Variants in PDE1C observed in about 807,000 individuals in gnomAD.
The protein encoded by PDE1C is dual specificity calcium/calmodulin-dependent 3',5'-cyclic nucleotide phosphodiesterase 1C.
Under a neutral mutation model 93.1 loss-of-function variants are expected in PDE1C, and 62 were observed. The ratio of observed to expected loss-of-function variants is 0.67; its 90% CI spans 0.54 to 0.82. PDE1C has a LOEUF of 0.82. Among genes scored for constraint, PDE1C ranks in the 40% least tolerant of loss-of-function variants. The pLI is 0.00. For missense variants in PDE1C, 742 were observed against 884.6 expected (o/e 0.84, Z 2.04); for synonymous variants, 325 against 310.1 (o/e 1.05, Z -0.50).
intron 1 of PDE1C, among the ~76,000 whole-genome samples, chr7:32,293,765 A>G (rs951866708): frequency 6.6e-6 from 1 of 152,150 alleles, no homozygotes; most frequent in Admixed American, 6.5e-5. Flanking sequence ...GTCCATGAGC[A>G]CTGGGAGGAG....
chr7:31,748,206 G>A (rs909034943), downstream of PDE1C, among the ~76,000 whole-genome samples: 1 of 152,214 alleles, frequency 6.6e-6, no homozygotes, highest in Non-Finnish European at 1.5e-5. Flanking sequence ...TCATAATTTT[G>A]CAAAGGCAGT....
chr7:32,101,350 T>A (rs1798027983), intron 3 of PDE1C, among the ~76,000 whole-genome samples: 1 of 152,214 alleles, frequency 6.6e-6, no homozygotes, highest in African/African-American at 2.4e-5. Context: ...TTTGAAACCA[T>A]GACCTATAAT....
At chr7:32,074,988 G>A (rs1796272786), upstream of PDE1C, among the ~76,000 whole-genome samples, 2 of 152,162 alleles carry the variant, frequency 1.3e-5, no homozygotes, top group Admixed American at 6.5e-5. Context: ...TAAACAGTGA[G>A]AGGCATGGCC....
intron 2 of PDE1C, among the ~76,000 whole-genome samples, chr7:31,894,684 C>T (rs750641490): frequency 1.1e-4 from 17 of 152,168 alleles, no homozygotes; most frequent in Middle Eastern, 3.2e-3. Context: ...GGGTGATCTA[C>T]CATTTTGACT....
rs535073612 is a variant in PDE1C at position 32,321,563 on chromosome 7, C to T, written c.310+106259G>A. ...AGTTAAGGAACATTCCTGACTTCTT[C>T]CTGCTTCTCTTCAAGTGAATTGTTC... On this transcript the variant is annotated intron_variant, in intron 1 of 1. Transcript: ENST00000672256. Among the ~76,000 whole-genome samples the T allele has an allele frequency of 2.6e-5, 4 of 152,316 alleles. No homozygotes were observed. The East Asian group carries it at 7.7e-4, about 29-fold the overall frequency.
intron 1 of PDE1C, among the ~76,000 whole-genome samples, chr7:32,419,856 C>T (rs536832802): frequency 1.3e-5 from 2 of 151,514 alleles, no homozygotes; most frequent in Admixed American, 6.6e-5. Context: ...GTTCCTAATC[C>T]TAACTCATCC....
At chr7:32,289,139 TCATGCCTGTAATCCCAA>T (rs1266909093) in intron 1 of PDE1C, among the ~76,000 whole-genome samples, 1 of 152,224 alleles carries the variant, frequency 6.6e-6, no homozygotes, top group Admixed American at 6.5e-5. Flanking sequence ...GCACAGTGGC[TCATGCCTGTAATCCCAA>T]CACTTTGGGA....
At chr7:32,317,566 A>C (rs1357421710) in intron 1 of PDE1C, among the ~76,000 whole-genome samples, 1 of 151,950 alleles carries the variant, frequency 6.6e-6, no homozygotes, top group African/African-American at 2.4e-5. Flanking sequence ...AGTGATAAAA[A>C]GACATGAGAG....
chr7:32,072,592 G>A (rs1248234971), upstream of PDE1C, among the ~76,000 whole-genome samples: 3 of 152,178 alleles, frequency 2.0e-5, no homozygotes, highest in Non-Finnish European at 4.4e-5. Flanking sequence ...GCAGCCTGCT[G>A]GCACCATGTG....
chr7:31,853,895 T>TTG (rs1793668583), intron 7 of PDE1C, among the ~76,000 whole-genome samples: 1 of 138,714 alleles, frequency 7.2e-6, no homozygotes, highest in Non-Finnish European at 1.6e-5. Flanking sequence ...TTTTTTTTTT[T>TTG]TTGTATTTTT....
intron 15 of PDE1C, among the ~76,000 whole-genome samples, chr7:31,815,667 A>G (rs1189116949): frequency 6.9e-6 from 1 of 145,318 alleles, no homozygotes; most frequent in Non-Finnish European, 1.5e-5. Context: ...GCAGGCAGGC[A>G]GGCACTGGCT....
intron 1 of PDE1C, among the ~76,000 whole-genome samples, chr7:32,222,413 C>G (rs1471866900): frequency 6.6e-6 from 1 of 152,176 alleles, no homozygotes; most frequent in Non-Finnish European, 1.5e-5. Context: ...GCCTGGCACA[C>G]TTGAGCTGCT....
chr7:32,237,083 CTTTTTT>C (rs34122130), intron 1 of PDE1C, among the ~76,000 whole-genome samples: 1 of 121,944 alleles, frequency 8.2e-6, no homozygotes, highest in Admixed American at 8.8e-5. Context: ...ATGTAATATT[CTTTTTT>C]TTTTTTTTTT....
chr7:31,698,020 T>A, the PDE1C span, among the ~76,000 whole-genome samples: 1 of 152,158 alleles, frequency 6.6e-6, no homozygotes, highest in African/African-American at 2.4e-5. Flanking sequence ...ATGATCAAGA[T>A]CAAACACTAA....
intron 1 of PDE1C, among the ~76,000 whole-genome samples, chr7:32,371,286 C>G (rs1224834743): frequency 6.6e-6 from 1 of 152,158 alleles, no homozygotes; most frequent in Non-Finnish European, 1.5e-5. Flanking sequence ...GGAAACCTCC[C>G]TAGACTCCCC....
chr7:32,207,840 C>T (rs969501922), intron 2 of PDE1C, among the ~76,000 whole-genome samples: 2 of 152,106 alleles, frequency 1.3e-5, no homozygotes, highest in East Asian at 3.9e-4. Flanking sequence ...CAAGGACCGC[C>T]CTCCCCCCAA....
At chr7:31,918,642 T>C (rs914678683) in intron 2 of PDE1C, among the ~76,000 whole-genome samples, 1 of 152,248 alleles carries the variant, frequency 6.6e-6, no homozygotes, top group Non-Finnish European at 1.5e-5. Context: ...TTTCTGCTTT[T>C]ATAGTCTGCT....
At chr7:31,705,901 A>C in the PDE1C span, among the ~76,000 whole-genome samples, 1 of 151,212 alleles carries the variant, frequency 6.6e-6, no homozygotes, top group African/African-American at 2.4e-5. Context: ...GATGAGCAGA[A>C]CCATGTGGCC....
intron 1 of PDE1C, among the ~76,000 whole-genome samples, chr7:32,052,904 A>G (rs1793580832): frequency 6.6e-6 from 1 of 152,192 alleles, no homozygotes; most frequent in African/African-American, 2.4e-5. Flanking sequence ...TAGTTTTATG[A>G]ATTTTCCAAA....
Sources: gnomAD v4.1 joint callset for allele counts (sites outside exome capture counted in the v4.1 genomes callset) on GRCh38, gnomAD v4.1.1 for gene constraint, MANE v1.5 for transcripts, NCBI Gene and HGNC (gene_info 2026-07-23, HGNC 2026-07-21) for gene names.